The following HNRNPC variants were observed in gnomAD, a reference collection of about 807,000 sequenced individuals.
HNRNPC encodes the protein heterogeneous nuclear ribonucleoproteins C1/C2.
In HNRNPC, 3 loss-of-function variants were observed where a neutral mutation model predicts 33.2. That is an observed-to-expected ratio of 0.09 (90% confidence interval 0.04 to 0.23). The LOEUF (loss-of-function observed/expected upper bound fraction) is 0.23. Among genes scored for constraint, HNRNPC ranks in the 10% least tolerant of loss-of-function variants. The pLI is 1.00. For missense variants in HNRNPC, 143 were observed against 366.7 expected (o/e 0.39, Z 4.98); for synonymous variants, 121 against 126.7 (o/e 0.96, Z 0.30).
At chr14:21,216,692 G>C (rs1892232234) in intron 5 of HNRNPC, among the ~76,000 whole-genome samples, 1 of 152,188 alleles carries the variant, frequency 6.6e-6, no homozygotes, top group Admixed American at 6.5e-5. Flanking sequence ...ATGGATCACA[G>C]AGTAAGACTC....
At position 21,234,280 on chromosome 14, in the gene HNRNPC, C is replaced by T. The variant is rs1894423980; in HGVS notation, c.-36-51G>A. 3 of 1,498,306 alleles carry T rather than the reference C, an allele frequency of 2.0e-6. No homozygotes were observed. The Admixed American group carries it at 5.9e-5, about 29-fold the overall frequency. The allele number at this position is 1,498,306 out of a possible 1,614,324, so 92.8% of individuals were successfully genotyped here. On this transcript the variant is annotated intron_variant, in intron 2 of 8. Transcript: ENST00000553300. ...GTGAACAGATGCTAAAAACAATATT[C>T]CTTGATAAAACATTCTCCACTCTCA... is the stretch of plus-strand genomic sequence containing the variant.
intron 2 of HNRNPC, among the ~76,000 whole-genome samples, chr14:21,246,454 T>C (rs945842905): frequency 6.6e-6 from 1 of 151,700 alleles, no homozygotes; most frequent in Middle Eastern, 3.4e-3. Flanking sequence ...TAGTCCCAGC[T>C]ACTTGGGAGG....
At chr14:21,267,844 T>C (rs1262630775) in intron 1 of HNRNPC, among the ~76,000 whole-genome samples, 1 of 152,190 alleles carries the variant, frequency 6.6e-6, no homozygotes, top group Non-Finnish European at 1.5e-5. Context: ...TTGCCAACAT[T>C]TTTACTTCAT....
At chr14:21,244,470 T>A (rs575316956) in intron 2 of HNRNPC, among the ~76,000 whole-genome samples, 1 of 152,348 alleles carries the variant, frequency 6.6e-6, no homozygotes, top group East Asian at 1.9e-4. Context: ...AAAATTCCAT[T>A]TAAGGTATCC....
At chr14:21,261,407 T>C (rs918768794) in intron 2 of HNRNPC, among the ~76,000 whole-genome samples, 3 of 152,154 alleles carry the variant, frequency 2.0e-5, no homozygotes, top group Non-Finnish European at 2.9e-5. Context: ...CAATAAAACT[T>C]GCACTTATTT....
Position 21,209,509 on chromosome 14 carries a change from A to G in HNRNPC, c.*1714T>C, listed in dbSNP as rs1891408469. On this transcript the variant is annotated 3_prime_UTR_variant, in exon 9 of 9. Coordinates refer to ENST00000553300, the MANE Select transcript of HNRNPC (RefSeq NM_004500.4). ...AACATGAGCTCACATCAGATTAGAA[A>G]ACATCAAGTGGGTAGTATTTTTGAC... 1 of 152,214 alleles carries G rather than the reference A, an allele frequency of 6.6e-6. No homozygotes were observed. Among genetic ancestry groups the G allele is most frequent in the Non-Finnish European group, 1.5e-5 (1 of 68,022 alleles). 9.4% of individuals were successfully genotyped at this position (152,214 alleles called of 1,614,324 possible). A position where few individuals can be genotyped will look rare whatever the true frequency, so the allele number is the denominator to read the frequency against.
chr14:21,247,248 T>C (rs1157882178), intron 2 of HNRNPC, among the ~76,000 whole-genome samples: 2 of 151,934 alleles, frequency 1.3e-5, no homozygotes, highest in African/African-American at 4.9e-5. Flanking sequence ...TTCTACCTAG[T>C]TCATAATCAC....
intron 2 of HNRNPC, 97 bp from the exon 3 acceptor site, chr14:21,234,326 C>T (rs1009595318): frequency 8.9e-7 from 1 of 1,125,586 alleles, no homozygotes. Context: ...CTGTTAACTG[C>T]CCAGAGTATT....
At chr14:21,256,852 C>A (rs1329360103) in intron 2 of HNRNPC, among the ~76,000 whole-genome samples, 3 of 152,088 alleles carry the variant, frequency 2.0e-5, no homozygotes, top group Non-Finnish European at 4.4e-5. Flanking sequence ...CAGGGTTTCA[C>A]CATGTTGCCC....
intron 5 of HNRNPC, among the ~76,000 whole-genome samples, chr14:21,217,449 G>C (rs1234461735): frequency 6.6e-6 from 1 of 152,022 alleles, no homozygotes; most frequent in Non-Finnish European, 1.5e-5. Flanking sequence ...AGCTATACAA[G>C]GTATTCACCA....
At chr14:21,251,225 C>CACT (rs1467261255) in intron 2 of HNRNPC, among the ~76,000 whole-genome samples, 1 of 128,760 alleles carries the variant, frequency 7.8e-6, no homozygotes, top group African/African-American at 3.0e-5. Context: ...CGCACCACTG[C>CACT]ACTCCAGCCT....
intron 2 of HNRNPC, among the ~76,000 whole-genome samples, chr14:21,241,208 G>A (rs1171349936): frequency 5.0e-5 from 7 of 141,010 alleles, no homozygotes; most frequent in Non-Finnish European, 7.5e-5. Context: ...GTAGTAAGCC[G>A]AGATTGCACC....
rs71112557 is a variant in HNRNPC at position 21,218,681 on chromosome 14, CAAAA to C, written c.366-5568_366-5565del. On this transcript the variant is annotated intron_variant, in intron 5 of 8. Coordinates refer to ENST00000553300, the MANE Select transcript of HNRNPC (RefSeq NM_004500.4). ...TGGGAGACAAAGCGAAACTCTCTCT[CAAAA>C]AAAAAAAAAAAAAAAAAAAAAAACT... is the stretch of plus-strand genomic sequence containing the variant. Among the ~76,000 whole-genome samples the C allele has an allele frequency of 7.8e-3, 400 of 51,254 alleles. 7 individuals carry two copies. Among genetic ancestry groups the C allele is most frequent in the African/African-American group, 0.039 (378 of 9,706 alleles). The allele number at this position is 51,254 out of a possible 152,430, so 33.6% of individuals were successfully genotyped here. A position where few individuals can be genotyped will look rare whatever the true frequency, so the allele number is the denominator to read the frequency against.
At chr14:21,219,210 C>A (rs970720697) in intron 5 of HNRNPC, among the ~76,000 whole-genome samples, 5 of 151,740 alleles carry the variant, frequency 3.3e-5, no homozygotes, top group African/African-American at 1.2e-4. Flanking sequence ...CTTTCACTTA[C>A]AATAAAATTC....
At chr14:21,255,101 A>G (rs955735787) in intron 2 of HNRNPC, among the ~76,000 whole-genome samples, 3 of 152,180 alleles carry the variant, frequency 2.0e-5, no homozygotes, top group Non-Finnish European at 4.4e-5. Flanking sequence ...GGGAGTGACA[A>G]TGCATTATGA....
chr14:21,213,905 T>G (rs892233370), intron 5 of HNRNPC, among the ~76,000 whole-genome samples: 8 of 152,218 alleles, frequency 5.3e-5, no homozygotes, highest in African/African-American at 1.9e-4. Context: ...AATTGCTGTT[T>G]CTATTAGAAA....
rs1894009123 is a variant in HNRNPC, at chr14:21,230,656, C to G, written c.318-290G>C. Reference sequence around the variant, plus strand: ...AATGGTAAACTAAGCATTCTTATACCACACTTCTACCCTCTCTTACTCTCT... The same window carrying G: ...AATGGTAAACTAAGCATTCTTATACGACACTTCTACCCTCTCTTACTCTCT... On this transcript the variant is annotated intron_variant, in intron 4 of 8. Coordinates refer to ENST00000553300, the MANE Select transcript of HNRNPC (RefSeq NM_004500.4). The G allele has an allele frequency of 6.0e-6, 3 of 499,982 alleles. 1 individual carries two copies. The South Asian group carries it at 8.7e-5, about 15-fold the overall frequency. 31.0% of individuals were successfully genotyped at this position (499,982 alleles called of 1,614,324 possible). A position where few individuals can be genotyped will look rare whatever the true frequency, so the allele number is the denominator to read the frequency against.
At chr14:21,230,762 CA>C (rs1263266636) in intron 4 of HNRNPC, 20 of 522,116 alleles carry the variant, frequency 3.8e-5, no homozygotes, top group South Asian at 1.0e-4. Context: ...ATATCAATAG[CA>C]AAAACCTCAG....
chr14:21,266,630 C>T (rs1340139705), intron 1 of HNRNPC, among the ~76,000 whole-genome samples: 3 of 149,022 alleles, frequency 2.0e-5, no homozygotes, highest in Admixed American at 6.8e-5. Context: ...TGGTTCTCAC[C>T]AATCCTCTAG....
Sources: gnomAD v4.1 joint callset for allele counts (sites outside exome capture counted in the v4.1 genomes callset) on GRCh38, gnomAD v4.1.1 for gene constraint, MANE v1.5 for transcripts, NCBI Gene and HGNC (gene_info 2026-07-23, HGNC 2026-07-21) for gene names.